Variants in MYT1L observed in about 807,000 individuals in gnomAD.
The protein encoded by MYT1L is myelin transcription factor 1 like, also known as myelin transcription factor 1-like protein.
A neutral mutation model predicts 126.7 loss-of-function variants in MYT1L; 12 were observed. The observed-to-expected ratio is 0.09, with a 90% CI of 0.06 to 0.15. The LOEUF (loss-of-function observed/expected upper bound fraction) is 0.15, where lower values mean the gene tolerates loss of function less well. Among genes scored for constraint, MYT1L ranks in the 10% least tolerant of loss-of-function variants. The pLI, the probability that MYT1L is intolerant of heterozygous loss-of-function variation, is 1.00. For synonymous variants in MYT1L, 541 were observed against 604.2 expected (o/e 0.90, Z 1.53); for missense variants, 979 against 1,585.2 (o/e 0.62, Z 6.49).
At chr2:1,909,983 C>T (rs2051682611) in intron 13 of MYT1L, among the ~76,000 whole-genome samples, 1 of 152,178 alleles carries the variant, frequency 6.6e-6, no homozygotes, top group African/African-American at 2.4e-5. Flanking sequence ...AGAAACAAAA[C>T]CAGAAATGAT....
At chr2:1,919,151 CG>C in intron 10 of MYT1L, among the ~76,000 whole-genome samples, 1 of 152,218 alleles carries the variant, frequency 6.6e-6, no homozygotes, top group East Asian at 1.9e-4. Context: ...TCACAGATAT[CG>C]AAAGTGTTGT....
intron 2 of MYT1L, among the ~76,000 whole-genome samples, chr2:2,222,219 A>G (rs922945365): frequency 6.6e-6 from 1 of 152,178 alleles, no homozygotes; most frequent in African/African-American, 2.4e-5. Flanking sequence ...GGGGCTGGGC[A>G]TGTGGCTCAG....
intron 4 of MYT1L, among the ~76,000 whole-genome samples, chr2:2,028,770 T>G (rs2065909320): frequency 6.6e-6 from 1 of 152,166 alleles, no homozygotes; most frequent in Non-Finnish European, 1.5e-5. Flanking sequence ...TGCCAGGAAC[T>G]AGGGACATCA....
chr2:2,129,644 C>T (rs1474783373), intron 3 of MYT1L, among the ~76,000 whole-genome samples: 1 of 152,128 alleles, frequency 6.6e-6, no homozygotes, highest in African/African-American at 2.4e-5. Context: ...CGGTGGCTCA[C>T]GCCTGTAATC....
chr2:2,129,422 A>T (rs545834278), intron 3 of MYT1L, among the ~76,000 whole-genome samples: 4 of 152,270 alleles, frequency 2.6e-5, no homozygotes, highest in Admixed American at 2.0e-4. Context: ...AAACAGTTTG[A>T]TTGAAAAGAA....
At chr2:1,981,056 GA>G (rs2060573477) in intron 5 of MYT1L, among the ~76,000 whole-genome samples, 1 of 152,134 alleles carries the variant, frequency 6.6e-6, no homozygotes, top group African/African-American at 2.4e-5. Context: ...GCACACTCCA[GA>G]AAAGAACAGG....
intron 18 of MYT1L, among the ~76,000 whole-genome samples, chr2:1,868,274 G>A (rs2045855486): frequency 6.6e-6 from 1 of 152,204 alleles, no homozygotes; most frequent in East Asian, 1.9e-4. Flanking sequence ...TGGCTCTGAT[G>A]TTTAAGAAAA....
chr2:2,038,669 AT>A (rs113485888), intron 4 of MYT1L, among the ~76,000 whole-genome samples: 1,728 of 149,442 alleles, frequency 0.012, 35 homozygotes, highest in South Asian at 0.045. Context: ...TTTGCTTAGA[AT>A]TTTTTTTTTA....
intron 16 of MYT1L, among the ~76,000 whole-genome samples, chr2:1,888,570 G>A (rs1356569993): frequency 1.3e-5 from 2 of 151,958 alleles, no homozygotes; most frequent in East Asian, 1.9e-4. Flanking sequence ...AGTGAAGAAA[G>A]AAGATGTCAT....
chr2:2,205,945 A>G (rs960392341), intron 2 of MYT1L, among the ~76,000 whole-genome samples: 7 of 150,484 alleles, frequency 4.7e-5, no homozygotes, highest in Admixed American at 1.3e-4. Context: ...CAATTTTCCT[A>G]TGCACTAAGC....
At chr2:2,326,078 C>G (rs1347376958) in intron 1 of MYT1L, 1 of 152,266 alleles carries the variant, frequency 6.6e-6, no homozygotes, top group Admixed American at 6.5e-5. Flanking sequence ...AAATCCTGTT[C>G]CGCAGTCTGC....
At chr2:2,207,908 C>A (rs2093373746) in intron 2 of MYT1L, among the ~76,000 whole-genome samples, 1 of 152,158 alleles carries the variant, frequency 6.6e-6, no homozygotes, top group Non-Finnish European at 1.5e-5. Flanking sequence ...TGTATTCCAG[C>A]CCTGCCCACC....
rs1279413160 is a variant in MYT1L at position 2,295,589 on chromosome 2, C to G, written c.-520-11086G>C. 1.2e-3 allele frequency among the ~76,000 whole-genome samples: 49 copies of G among 40,338 alleles called. 9 individuals carry two copies. The South Asian group carries it at 0.021, about 17-fold the overall frequency. The allele number at this position is 40,338 out of a possible 152,430, so 26.5% of individuals were successfully genotyped here. A position where few individuals can be genotyped will look rare whatever the true frequency, so the allele number is the denominator to read the frequency against. ...ACAGAGAGAGAGAGAGAGAGACAGA[C>G]AGACAGAGAGAGAGACAGACAGAGA... On this transcript the variant is annotated intron_variant, in intron 1 of 24. Transcript: ENST00000647738.
intron 3 of MYT1L, among the ~76,000 whole-genome samples, chr2:2,067,996 T>A (rs1350017305): frequency 6.6e-6 from 1 of 152,130 alleles, no homozygotes; most frequent in Non-Finnish European, 1.5e-5. Flanking sequence ...TTACAATGTT[T>A]TTTGAAGTCT....
chr2:1,850,033 A>AAG (rs1553428272), intron 19 of MYT1L, among the ~76,000 whole-genome samples: 18 of 117,972 alleles, frequency 1.5e-4, no homozygotes, highest in African/African-American at 5.5e-4. Context: ...CGGGGTGGTG[A>AAG]GGGGGGGGCC....
chr2:2,229,811 T>C (rs2094118809), intron 2 of MYT1L, among the ~76,000 whole-genome samples: 1 of 152,196 alleles, frequency 6.6e-6, no homozygotes. Flanking sequence ...ACTGCACAGC[T>C]AGTGAGGGCT....
At chr2:2,076,737 A>G (rs1038372550) in intron 3 of MYT1L, among the ~76,000 whole-genome samples, 2 of 152,190 alleles carry the variant, frequency 1.3e-5, no homozygotes, top group Non-Finnish European at 2.9e-5. Flanking sequence ...CAGAATTGCT[A>G]TAACATATTA....
At chr2:1,832,605 T>G (rs1164408543) in intron 21 of MYT1L, among the ~76,000 whole-genome samples, 2 of 152,168 alleles carry the variant, frequency 1.3e-5, no homozygotes, top group Admixed American at 6.5e-5. Context: ...CTCGCTTAGG[T>G]CTGCAGGAAC....
chr2:1,882,791 C>G (rs920269887), intron 18 of MYT1L, among the ~76,000 whole-genome samples: 9 of 152,188 alleles, frequency 5.9e-5, no homozygotes, highest in Non-Finnish European at 1.3e-4. Flanking sequence ...CTCCCTGTGC[C>G]TGCATTAAGT....
Sources: allele counts gnomAD v4.1 joint callset (sites outside exome capture counted in the v4.1 genomes callset), GRCh38; gene constraint gnomAD v4.1.1; transcripts MANE v1.5; gene names NCBI Gene and HGNC (gene_info 2026-07-23, HGNC 2026-07-21).